The following TRPM1 variants were observed in gnomAD, a reference collection of about 807,000 sequenced individuals.
The protein encoded by TRPM1 is TRPM1-203 APA Isoform, Intron 10.
A neutral mutation model predicts 149.4 loss-of-function variants in TRPM1; 113 were observed. The ratio of observed to expected loss-of-function variants is 0.76; its 90% CI spans 0.65 to 0.88. The LOEUF is 0.88. Ranked by LOEUF, TRPM1 falls within the 40% of genes least tolerant of loss-of-function variation. The pLI is 0.00. For synonymous variants in TRPM1, 741 were observed against 759.5 expected (o/e 0.98, Z 0.40); for missense variants, 1,976 against 2,038.7 (o/e 0.97, Z 0.59).
At chr15:31,123,774 T>A (rs1000298917) in intron 1 of TRPM1, among the ~76,000 whole-genome samples, 1 of 152,214 alleles carries the variant, frequency 6.6e-6, no homozygotes, top group Admixed American at 6.5e-5. Flanking sequence ...TAAGACAGTC[T>A]GGCAGTTTCT....
upstream of TRPM1, among the ~76,000 whole-genome samples, chr15:31,104,169 TCTC>T (rs1273733415): frequency 2.6e-5 from 4 of 151,918 alleles, no homozygotes; most frequent in Non-Finnish European, 1.5e-5. Flanking sequence ...GTGCAGTCCT[TCTC>T]CTCATGGGGG....
At position 31,076,915 on chromosome 15, in the gene TRPM1, CTT is replaced by C. The variant is rs757376938; in HGVS notation, c.71_72del (p.Lys24ArgfsTer3). 1 of 1,606,750 alleles carries C rather than the reference CTT, an allele frequency of 6.2e-7. No individual in the cohort carries two copies. Among genetic ancestry groups the C allele is most frequent in the Non-Finnish European group, 8.5e-7 (1 of 1,173,370 alleles). ...TGGATTTCAATTTACCTGTTAGAGT[CTT>C]TCATGCTAGGAATTACAAAGATACA... Reference protein sequence around the residue: ...RECIFVIPSMKDSNRCCCGQF... With the variant: ...RECIFVIPSMXDSNRCCCGQF... On this transcript the variant is annotated frameshift_variant, in exon 3 of 28. Coordinates refer to ENST00000256552, the MANE Select transcript of TRPM1 (RefSeq NM_001252024.2). LOFTEE classifies it high-confidence loss of function.
At chr15:31,087,147 A>G (rs1376056806) in intron 1 of TRPM1, among the ~76,000 whole-genome samples, 1 of 150,410 alleles carries the variant, frequency 6.6e-6, no homozygotes, top group African/African-American at 2.4e-5. Context: ...GAGTACAGCC[A>G]CTGTGGAAAC....
chr15:31,034,824 C>T (rs1353924789), intron 21 of TRPM1, among the ~76,000 whole-genome samples: 2 of 152,212 alleles, frequency 1.3e-5, no homozygotes, highest in African/African-American at 4.8e-5. Context: ...TCGCTGGCAG[C>T]ATTTGCTGAT....
chr15:31,129,125 C>T lies in TRPM1; in HGVS notation c.54+31781G>A, dbSNP rs762815690. On this transcript the variant is annotated intron_variant, in intron 1 of 26. Coordinates refer to the TRPM1 transcript ENST00000542188. The stretch of plus-strand genomic sequence containing the variant: ...GATCAGCCTTTGGAGCTTCGTGTAG[C>T]GCTGTTTTTGGACAAGTGCTGTGTC... Among the ~76,000 whole-genome samples, 63 of 152,298 alleles carry T rather than the reference C, an allele frequency of 4.1e-4. 1 individual carries two copies. Among genetic ancestry groups the T allele is most frequent in the Middle Eastern group, 3.4e-3 (1 of 294 alleles).
At chr15:31,072,018 T>TATATATAGAGAGAGAG (rs1400392427) in intron 3 of TRPM1, among the ~76,000 whole-genome samples, 6 of 36,902 alleles carry the variant, frequency 1.6e-4, no homozygotes, top group African/African-American at 5.6e-4. Flanking sequence ...TATATATATA[T>TATATATAGAGAGAGAG]AGAGAGAGAG....
rs145112023 is a variant in TRPM1 at position 31,026,384 on chromosome 15, A to G, written c.3497-113T>C. The G allele has an allele frequency of 8.8e-4, 1,168 of 1,326,660 alleles. 2 individuals carry two copies. Among genetic ancestry groups the G allele is most frequent in the Non-Finnish European group, 1.1e-3 (1,082 of 952,152 alleles). The allele number at this position is 1,326,660 out of a possible 1,614,324, so 82.2% of individuals were successfully genotyped here. A position where few individuals can be genotyped will look rare whatever the true frequency, so the allele number is the denominator to read the frequency against. ...TTAAGCTCTCTTCTCCGCCACTCCT[A>G]AGGCAGTTCGCCACTACTCCAATTG... On this transcript the variant is annotated intron_variant, in intron 26 of 27. Coordinates refer to ENST00000256552, the MANE Select transcript of TRPM1 (RefSeq NM_001252024.2).
At chr15:31,055,289 A>T (rs2034052351) in intron 11 of TRPM1, among the ~76,000 whole-genome samples, 1 of 152,212 alleles carries the variant, frequency 6.6e-6, no homozygotes, top group Non-Finnish European at 1.5e-5. Context: ...CCCAGATACT[A>T]TTTAAATGAC....
chr15:31,078,592 T>C (rs953099147), intron 2 of TRPM1, among the ~76,000 whole-genome samples: 1 of 152,228 alleles, frequency 6.6e-6, no homozygotes, highest in African/African-American at 2.4e-5. Flanking sequence ...TTTGTGCTAA[T>C]GCAAGGGAGG....
At chr15:31,109,595 G>C (rs905249220) in intron 1 of TRPM1, among the ~76,000 whole-genome samples, 2 of 150,678 alleles carry the variant, frequency 1.3e-5, no homozygotes, top group South Asian at 4.2e-4. Context: ...AGCTATTATG[G>C]AGGCTGAGGC....
intron 1 of TRPM1, among the ~76,000 whole-genome samples, chr15:31,110,872 CTTCT>C (rs988029784): frequency 3.3e-5 from 5 of 149,972 alleles, no homozygotes; most frequent in African/African-American, 9.9e-5. Flanking sequence ...TCTTTTCTTT[CTTCT>C]TTCTTTCTCT....
chr15:31,020,541 G>A (rs1316004491), intron 27 of TRPM1, among the ~76,000 whole-genome samples: 1 of 152,154 alleles, frequency 6.6e-6, no homozygotes, highest in African/African-American at 2.4e-5. Context: ...TTGCATCTTT[G>A]TTATTCCTGC....
At chr15:31,125,758 T>TAAAAAAA (rs1567069745) in intron 1 of TRPM1, among the ~76,000 whole-genome samples, 9 of 91,270 alleles carry the variant, frequency 9.9e-5, no homozygotes, top group Non-Finnish European at 1.2e-4. Context: ...AAAAAAAAAT[T>TAAAAAAA]ATTAAAAAAT....
chr15:31,156,985 C>T (rs527379275), intron 1 of TRPM1, among the ~76,000 whole-genome samples: 6 of 150,324 alleles, frequency 4.0e-5, no homozygotes, highest in South Asian at 2.1e-4. Flanking sequence ...GAGTGCAGCT[C>T]GCTGCATCCT....
chr15:31,132,571 A>G (rs783033), intron 1 of TRPM1, among the ~76,000 whole-genome samples: 103,258 of 152,110 alleles, frequency 0.68, 35,219 homozygotes, highest in East Asian at 0.8. Context: ...AGACACAAGG[A>G]AAGGAAGCCA....
chr15:31,026,858 A>T (rs1231594894), intron 26 of TRPM1, 57 bp downstream of exon 26: 2 of 1,574,708 alleles, frequency 1.3e-6, no homozygotes, highest in East Asian at 2.2e-5. Flanking sequence ...GAGGATGTCC[A>T]ATTTGAACAC....
chr15:31,050,346 A>T (rs1055527706), intron 12 of TRPM1, 63 bp downstream of exon 12: 1 of 1,613,274 alleles, frequency 6.2e-7, no homozygotes, highest in Admixed American at 1.7e-5. Flanking sequence ...CAAGGACAAG[A>T]ACCATCCCTT....
chr15:31,122,519 T>A (rs969241491), intron 1 of TRPM1, among the ~76,000 whole-genome samples: 2 of 152,208 alleles, frequency 1.3e-5, no homozygotes, highest in Non-Finnish European at 2.9e-5. Flanking sequence ...TTTAAGTCAG[T>A]TGTTTTCCTA....
chr15:31,050,381 C>T lies in TRPM1; in HGVS notation c.1437+28G>A, dbSNP rs371886531. 5.6e-6 allele frequency: 9 copies of T among 1,614,018 alleles called. No individual in the cohort carries two copies. In the African/African-American group the frequency reaches 1.2e-4, roughly 22 times the overall value. On this transcript the variant is annotated intron_variant, in intron 12 of 27. Coordinates refer to ENST00000256552, the MANE Select transcript of TRPM1 (RefSeq NM_001252024.2). ...TCCCCTGGGGAAGGGTGATGCCAAG[C>T]TCGTGATCTCTGTGACCTTCCACAT...
Sources: gnomAD v4.1 joint callset for allele counts (sites outside exome capture counted in the v4.1 genomes callset) on GRCh38, gnomAD v4.1.1 for gene constraint, MANE v1.5 for transcripts, NCBI Gene and HGNC (gene_info 2026-07-23, HGNC 2026-07-21) for gene names.